DCUN1D2: variants seen among roughly 807,000 people sequenced by gnomAD.
DCUN1D2 encodes defective in cullin neddylation 1 domain containing 2.
Under a neutral mutation model 30.9 loss-of-function variants are expected in DCUN1D2, and 29 were observed. The observed-to-expected ratio is 0.94, with a 90% CI of 0.70 to 1.28. DCUN1D2 has a LOEUF of 1.28. Among genes scored for constraint, DCUN1D2 ranks in the 50% most tolerant of loss-of-function variants. The pLI is 0.00. For synonymous variants in DCUN1D2, 121 were observed against 115.3 expected (o/e 1.05, Z -0.32); for missense variants, 325 against 316.9 (o/e 1.03, Z -0.19).
chr13:113,464,613 C>T (rs762523436), intron 4 of DCUN1D2, among the ~76,000 whole-genome samples: 12 of 152,216 alleles, frequency 7.9e-5, no homozygotes, highest in African/African-American at 2.7e-4. Context: ...GACGTTGCTG[C>T]GGGGGACACG....
chr13:113,463,727 G>A (rs1285160347), intron 4 of DCUN1D2, among the ~76,000 whole-genome samples: 1 of 151,876 alleles, frequency 6.6e-6, no homozygotes, highest in Non-Finnish European at 1.5e-5. Context: ...CACACACACA[G>A]ATACACATAG....
At chr13:113,465,314 G>A (rs1327581885) in intron 4 of DCUN1D2, among the ~76,000 whole-genome samples, 1 of 152,142 alleles carries the variant, frequency 6.6e-6, no homozygotes, top group African/African-American at 2.4e-5. Flanking sequence ...CTTTGGAAAG[G>A]AAGCTGGATA....
At chr13:113,467,593 G>A (rs563936622) in intron 4 of DCUN1D2, among the ~76,000 whole-genome samples, 1 of 152,006 alleles carries the variant, frequency 6.6e-6, no homozygotes, top group Non-Finnish European at 1.5e-5. Context: ...CCACTATTCA[G>A]AAAACAGCAA....
intron 4 of DCUN1D2, among the ~76,000 whole-genome samples, chr13:113,465,866 T>G (rs1306440311): frequency 6.9e-6 from 1 of 145,380 alleles, no homozygotes; most frequent in East Asian, 2.0e-4. Flanking sequence ...TGTATATATA[T>G]AGACAGATAT....
chr13:113,466,152 G>A (rs939898728), intron 4 of DCUN1D2, among the ~76,000 whole-genome samples: 2 of 152,136 alleles, frequency 1.3e-5, no homozygotes, highest in African/African-American at 4.8e-5. Flanking sequence ...TGGGATTACC[G>A]GTGTGAGCCA....
chr13:113,480,825 G>A (rs920409423), intron 2 of DCUN1D2, 82 bp from the exon 3 acceptor site: 33 of 1,432,108 alleles, frequency 2.3e-5, no homozygotes, highest in Non-Finnish European at 2.1e-5. Flanking sequence ...CCTAGCATTC[G>A]ATTATACTAC....
chr13:113,486,164 T>C (rs9549414), intron 1 of DCUN1D2, among the ~76,000 whole-genome samples: 2,221 of 152,116 alleles, frequency 0.015, 25 homozygotes, highest in Middle Eastern at 0.027. Context: ...GCATACTACA[T>C]AGCCATAAAA....
At chr13:113,485,879 A>G (rs1049896802) in intron 1 of DCUN1D2, among the ~76,000 whole-genome samples, 9 of 152,188 alleles carry the variant, frequency 5.9e-5, no homozygotes, top group African/African-American at 2.2e-4. Context: ...AGTGCACAGC[A>G]GAGGCCTCCG....
intron 5 of DCUN1D2, among the ~76,000 whole-genome samples, chr13:113,460,251 C>A (rs2044297097): frequency 6.6e-6 from 1 of 152,224 alleles, no homozygotes. Flanking sequence ...CATTCCCAGG[C>A]AAGGAAGCGG....
At chr13:113,481,970 A>T (rs1156719962) in intron 2 of DCUN1D2, among the ~76,000 whole-genome samples, 1 of 152,156 alleles carries the variant, frequency 6.6e-6, no homozygotes, top group Non-Finnish European at 1.5e-5. Context: ...AGCATAGTTT[A>T]TGGGACAGAG....
At chr13:113,460,515 C>T (rs12430524) in intron 5 of DCUN1D2, among the ~76,000 whole-genome samples, 106 of 152,338 alleles carry the variant, frequency 7.0e-4, no homozygotes, top group African/African-American at 2.3e-3. Context: ...AGCCTTGCCC[C>T]GCACCAGCAA....
chr13:113,458,419 C>A (rs980999295), intron 6 of DCUN1D2, among the ~76,000 whole-genome samples: 9 of 152,296 alleles, frequency 5.9e-5, no homozygotes, highest in Middle Eastern at 6.8e-3. Flanking sequence ...TGGACCCCCG[C>A]GGAGCAGGAG....
intron 2 of DCUN1D2, among the ~76,000 whole-genome samples, chr13:113,481,661 A>C (rs1049620859): frequency 1.3e-5 from 2 of 152,220 alleles, no homozygotes; most frequent in African/African-American, 4.8e-5. Context: ...AGGCGGGTGG[A>C]TCACCTGAGC....
At position 113,457,242 on chromosome 13, in the gene DCUN1D2, T is replaced by C. The variant is rs2044240943; in HGVS notation, c.*787A>G. ...AATGTTTTTCATGGAAAAATGTCTT[T>C]TTAAATGTAATTAAAATATATTTTA... is the stretch of plus-strand genomic sequence containing the variant. On this transcript the variant is annotated 3_prime_UTR_variant, in exon 7 of 7. Coordinates refer to ENST00000478244, the MANE Select transcript of DCUN1D2 (RefSeq NM_001014283.2). The C allele has an allele frequency of 6.6e-6, 1 of 152,208 alleles. No homozygotes were observed. Among genetic ancestry groups the C allele is most frequent in the African/African-American group, 2.4e-5 (1 of 41,428 alleles). The allele number at this position is 152,208 out of a possible 1,614,324, so 9.4% of individuals were successfully genotyped here. A position where few individuals can be genotyped will look rare whatever the true frequency, so the allele number is the denominator to read the frequency against.
Position 113,480,624 on chromosome 13 carries a change from G to C in DCUN1D2, c.340C>G (p.Gln114Glu). ...VIAWKFRAAT[Q>E]CEFSRKEFLD... ...AATTCCTTTCTGCTAAATTCACACT[G>C]AGTTGCTGCCCTGAACTTCCACGCT... is the stretch of plus-strand genomic sequence containing the variant. The change falls in exon 3 of 7, where the codon CAG becomes GAG. Residue 114 changes from glutamine (Q) to glutamate (E), a missense_variant. Physicochemically the swap from Gln to Glu is conservative, Grantham distance 29. Coordinates refer to ENST00000478244, the MANE Select transcript of DCUN1D2 (RefSeq NM_001014283.2). 1 of 1,614,082 alleles carries C rather than the reference G, an allele frequency of 6.2e-7. No homozygotes were observed. Among genetic ancestry groups the C allele is most frequent in the Non-Finnish European group, 8.5e-7 (1 of 1,180,010 alleles).
intron 1 of DCUN1D2, chr13:113,489,150 C>A: frequency 3.0e-6 from 3 of 985,404 alleles, no homozygotes; most frequent in Non-Finnish European, 3.6e-6. Flanking sequence ...GGATCACTTT[C>A]ACTCTGTTTC....
chr13:113,458,940 CAAG>C (rs1274598664), intron 6 of DCUN1D2, among the ~76,000 whole-genome samples: 5 of 152,156 alleles, frequency 3.3e-5, no homozygotes, highest in Admixed American at 3.3e-4. Flanking sequence ...TATATTTATG[CAAG>C]AAGACAGGAG....
intron 6 of DCUN1D2, among the ~76,000 whole-genome samples, chr13:113,458,964 C>T (rs925738319): frequency 2.6e-5 from 4 of 152,152 alleles, no homozygotes; most frequent in Non-Finnish European, 4.4e-5. Context: ...CTGGAATCTC[C>T]GAGTCAGCCT....
intron 1 of DCUN1D2, among the ~76,000 whole-genome samples, chr13:113,487,318 T>C (rs2044822828): frequency 6.6e-6 from 1 of 152,174 alleles, no homozygotes; most frequent in South Asian, 2.1e-4. Flanking sequence ...CGTTGCTAGA[T>C]TTAAAAATCT....
Sources: allele counts gnomAD v4.1 joint callset (sites outside exome capture counted in the v4.1 genomes callset), GRCh38; gene constraint gnomAD v4.1.1; transcripts MANE v1.5; gene names NCBI Gene and HGNC (gene_info 2026-07-23, HGNC 2026-07-21).